Variants in ARID2 observed in about 807,000 individuals in gnomAD.
The protein encoded by ARID2 is AT-rich interactive domain-containing protein 2.
ARID2 carries 32 observed loss-of-function variants against 184.6 expected under a neutral mutation model. That is an observed-to-expected ratio of 0.17 (90% CI 0.13 to 0.23). The LOEUF is 0.23. ARID2 is among the 10% of genes least tolerant of loss of function. ARID2 has a pLI of 1.00. For missense variants in ARID2, 1,696 were observed against 2,197.6 expected (o/e 0.77, Z 4.56); for synonymous variants, 836 against 772.6 (o/e 1.08, Z -1.36).
chr12:45,843,914 G>T (rs1176479470), intron 11 of ARID2, among the ~76,000 whole-genome samples: 1 of 152,146 alleles, frequency 6.6e-6, no homozygotes, highest in Non-Finnish European at 1.5e-5. Flanking sequence ...ATTCAAGAAA[G>T]TATGTTAGTA....
At chr12:45,732,764 A>T (rs1941027266) in intron 3 of ARID2, among the ~76,000 whole-genome samples, 1 of 152,140 alleles carries the variant, frequency 6.6e-6, no homozygotes. Context: ...CATATTTGTT[A>T]GATTGATTGA....
At chr12:45,861,133 G>A (rs1943739497) in intron 16 of ARID2, among the ~76,000 whole-genome samples, 184 bp downstream of exon 16, 1 of 152,170 alleles carries the variant, frequency 6.6e-6, no homozygotes, top group Admixed American at 6.5e-5. Flanking sequence ...ATATATAAGT[G>A]ATGGAAAGAA....
chr12:45,865,766 C>A (rs1042516535), intron 16 of ARID2, among the ~76,000 whole-genome samples: 1 of 151,984 alleles, frequency 6.6e-6, no homozygotes, highest in African/African-American at 2.4e-5. Flanking sequence ...ACTTTCTTTT[C>A]TCATACTATA....
intron 16 of ARID2, among the ~76,000 whole-genome samples, chr12:45,863,234 G>A (rs1943777997): frequency 6.6e-6 from 1 of 152,152 alleles, no homozygotes; most frequent in Admixed American, 6.6e-5. Flanking sequence ...TTAAGAGCAA[G>A]CACAGGAGTG....
intron 20 of ARID2, among the ~76,000 whole-genome samples, chr12:45,899,431 C>T (rs1397916160): frequency 4.7e-5 from 7 of 148,900 alleles, no homozygotes; most frequent in Non-Finnish European, 8.9e-5. Flanking sequence ...AGTGAAACCC[C>T]ATCTCTAGTA....
At chr12:45,804,520 T>C (rs532250260) in intron 3 of ARID2, among the ~76,000 whole-genome samples, 2 of 151,762 alleles carry the variant, frequency 1.3e-5, no homozygotes, top group African/African-American at 2.4e-5. Context: ...CTGTATGTAG[T>C]CTTTTTTTTA....
At chr12:45,791,761 C>T (rs1942296326) in intron 3 of ARID2, among the ~76,000 whole-genome samples, 1 of 152,104 alleles carries the variant, frequency 6.6e-6, no homozygotes, top group East Asian at 1.9e-4. Context: ...GTGCCCGGCC[C>T]AGATTGTAAT....
At chr12:45,791,942 A>C (rs1942300360) in intron 3 of ARID2, among the ~76,000 whole-genome samples, 1 of 152,162 alleles carries the variant, frequency 6.6e-6, no homozygotes, top group Non-Finnish European at 1.5e-5. Flanking sequence ...TTTCATTCTT[A>C]ACATTGGTAA....
Position 45,729,781 on chromosome 12 carries a change from G to A in ARID2, c.-56G>A. 6.7e-7 allele frequency: 1 copy of A among 1,500,844 alleles called. No homozygotes were observed. The highest frequency in any genetic ancestry group is 2.2e-4 in the Middle Eastern group (1 of 4,446). 93.0% of individuals were successfully genotyped at this position (1,500,844 alleles called of 1,614,324 possible). ...GCTCTGGTAGGAAGCGCTGGGAGCGGGGGGCGCTTTTAAAACACCGATCTG... is the reference window on the plus strand; with the variant it reads ...GCTCTGGTAGGAAGCGCTGGGAGCGAGGGGCGCTTTTAAAACACCGATCTG... On this transcript the variant is annotated 5_prime_UTR_variant, in exon 1 of 21. Transcript: ENST00000334344.
rs750007304 is a variant in ARID2 at position 45,891,877 on chromosome 12, C to G, written c.5020C>G (p.Pro1674Ala). 4 of 1,614,154 alleles carry G rather than the reference C, an allele frequency of 2.5e-6. No homozygotes were observed. The South Asian group carries it at 4.4e-5, about 18-fold the overall frequency. The part of the protein sequence containing the change: ...PGQCLWEGCE[P>A]FQRQRFSFIT... The stretch of plus-strand genomic sequence containing the variant: ...GCAGTGTCTTTGGGAAGGTTGTGAG[C>G]CTTTTCAGCGACAGCGGTTTTCTTT... The change falls in exon 17 of 21, where the codon CCT becomes GCT. Residue 1674 changes from proline (P) to alanine (A), a missense_variant. By Grantham distance (27) the Pro-to-Ala change is conservative. Coordinates refer to ENST00000334344, the MANE Select transcript of ARID2 (RefSeq NM_152641.4).
chr12:45,754,724 T>A (rs1260394318), intron 3 of ARID2, among the ~76,000 whole-genome samples: 1 of 152,236 alleles, frequency 6.6e-6, no homozygotes, highest in Non-Finnish European at 1.5e-5. Context: ...ACAACTTTTT[T>A]ATTGTCTGTT....
At position 45,852,517 on chromosome 12, in the gene ARID2, C is replaced by A. The variant is rs2138179374; in HGVS notation, c.4394C>A (p.Pro1465Gln). 5 of 1,614,162 alleles carry A rather than the reference C, an allele frequency of 3.1e-6. No individual in the cohort carries two copies. The highest frequency in any genetic ancestry group is 4.2e-6 in the Non-Finnish European group (5 of 1,179,998). Reference sequence around the variant, plus strand: ...AATTCAGATGTGCCTCAGCAACGCCCAAGTGTAGTTGTCTCACCACATTCT... The same window carrying A: ...AATTCAGATGTGCCTCAGCAACGCCAAAGTGTAGTTGTCTCACCACATTCT... ...SLNSDVPQQR[P>Q]SVVVSPHSTT... The change falls in exon 15 of 21, where the codon CCA becomes CAA. Residue 1465 changes from proline to glutamine, a missense_variant. Coordinates refer to ENST00000334344, the MANE Select transcript of ARID2 (RefSeq NM_152641.4).
intron 3 of ARID2, among the ~76,000 whole-genome samples, chr12:45,732,567 A>G (rs886930700): frequency 1.3e-5 from 2 of 152,216 alleles, no homozygotes. Context: ...ATTAACCTCC[A>G]AAACCGTTGA....
intron 20 of ARID2, chr12:45,904,324 A>G: frequency 1.4e-6 from 1 of 715,774 alleles, no homozygotes; most frequent in South Asian, 1.5e-5. Context: ...TTCTGACACC[A>G]TTTTCTAAAT....
chr12:45,870,180 G>T (rs1943900785), intron 16 of ARID2, among the ~76,000 whole-genome samples: 2 of 151,896 alleles, frequency 1.3e-5, no homozygotes, highest in South Asian at 2.1e-4. Flanking sequence ...GTAGAGAACG[G>T]GGCTTCACTG....
intron 3 of ARID2, among the ~76,000 whole-genome samples, chr12:45,800,821 C>T (rs1356076080): frequency 6.6e-6 from 1 of 152,000 alleles, no homozygotes; most frequent in Non-Finnish European, 1.5e-5. Flanking sequence ...ATCCCAGTGG[C>T]CAAATCTGGG....
chr12:45,766,232 A>G (rs1312908996), intron 3 of ARID2, among the ~76,000 whole-genome samples: 1 of 151,992 alleles, frequency 6.6e-6, no homozygotes, highest in South Asian at 2.1e-4. Flanking sequence ...CAGTGGCGCA[A>G]TCTCGGCTCA....
In ARID2 at chr12:45,850,542, A is replaced by G. The variant is rs1943527545; in HGVS notation, c.2419A>G (p.Asn807Asp). The G allele has an allele frequency of 6.2e-7, 1 of 1,614,004 alleles. No homozygotes were observed. The highest frequency in any genetic ancestry group is 1.3e-5 in the African/African-American group (1 of 74,920). ...PQSHMFGRVQ[N>D]IPACTSTVSQ... ...GAGTCATATGTTTGGCAGAGTACAGAACATACCAGCATGTACTTCTACAGT... is the reference window on the plus strand; with the variant it reads ...GAGTCATATGTTTGGCAGAGTACAGGACATACCAGCATGTACTTCTACAGT... Residue 807 changes from asparagine to aspartate, a missense_variant, in exon 15 of 21, where the codon AAC becomes GAC. Transcript: ENST00000334344.
At chr12:45,777,953 C>T (rs1942016666) in intron 3 of ARID2, among the ~76,000 whole-genome samples, 1 of 151,896 alleles carries the variant, frequency 6.6e-6, no homozygotes, top group South Asian at 2.1e-4. Flanking sequence ...CGCCTGTAAT[C>T]CCAGCACTTT....
Sources: gnomAD v4.1 joint callset for allele counts (sites outside exome capture counted in the v4.1 genomes callset) on GRCh38, gnomAD v4.1.1 for gene constraint, MANE v1.5 for transcripts, NCBI Gene and HGNC (gene_info 2026-07-23, HGNC 2026-07-21) for gene names.